RAB11FIP5: variants seen among roughly 807,000 people sequenced by gnomAD.
RAB11FIP5 encodes RAB11 family interacting protein 5, also known as rab11 family-interacting protein 5.
A neutral mutation model predicts 85.1 loss-of-function variants in RAB11FIP5; 48 were observed. The observed-to-expected ratio is 0.56, with a 90% CI of 0.45 to 0.72. The LOEUF (loss-of-function observed/expected upper bound fraction) is 0.72, where lower values mean the gene tolerates loss of function less well. Ranked by LOEUF, RAB11FIP5 falls within the 30% of genes least tolerant of loss-of-function variation. The pLI, the probability that RAB11FIP5 is intolerant of heterozygous loss-of-function variation, is 0.00. For missense variants in RAB11FIP5, 1,491 were observed against 1,687.0 expected (o/e 0.88, Z 2.04); for synonymous variants, 729 against 727.3 (o/e 1.00, Z -0.04).
rs1574294165 is a variant in RAB11FIP5, at chr2:73,081,602, A to G, written c.1630T>C (p.Ser544Pro). ...PAALPHHLPC[S>P]PWAPAPPTPA... is the part of the protein sequence containing the mutation. ...GTGGGAGGGGCCGGAGCCCAGGGGG[A>G]GCAGGGGAGGTGGTGAGGAAGAGCA... Residue 544 changes from serine (S) to proline (P), a missense_variant, in exon 4 of 6, where the codon TCC (serine) becomes CCC (proline). By Grantham distance (74) the Ser-to-Pro change is moderately conservative (BLOSUM62 -1). Around this residue, in one of 3 missense-constraint regions of RAB11FIP5, gnomAD observed 1,211 missense variants for 1,338.0 expected, o/e 0.91. Transcript: ENST00000486777. This position sits in a 1 kb window ranked among gnomAD's most constrained non-coding sequence, Gnocchi z 4.2. The G allele has an allele frequency of 8.2e-7, 1 of 1,216,664 alleles. No individual in the cohort carries two copies. The highest frequency in any genetic ancestry group is 1.0e-6 in the Non-Finnish European group (1 of 973,888). The allele number at this position is 1,216,664 out of a possible 1,614,324, so 75.4% of individuals were successfully genotyped here.
chr2:73,109,788 G>A (rs181192808), intron 1 of RAB11FIP5, among the ~76,000 whole-genome samples: 3 of 152,094 alleles, frequency 2.0e-5, no homozygotes, highest in Non-Finnish European at 2.9e-5. Context: ...TGGTCCTAAG[G>A]CTTTCCTAGG....
At position 73,073,565 on chromosome 2, in the gene RAB11FIP5, T is replaced by G. The variant is rs1683779972; in HGVS notation, c.*1956A>C. 2 of 152,350 alleles carry G rather than the reference T, an allele frequency of 1.3e-5. 1 individual carries two copies. Among genetic ancestry groups the G allele is most frequent in the South Asian group, 4.1e-4 (2 of 4,832 alleles). 9.4% of individuals were successfully genotyped at this position (152,350 alleles called of 1,614,324 possible). On this transcript the variant is annotated 3_prime_UTR_variant, in exon 6 of 6. Transcript: ENST00000486777. ...GAAACATCAACAAGGACCCTGGGCT[T>G]CGATTCAAAAACTCCTCTGAAGCCA...
rs778591961 is a variant in RAB11FIP5 at position 73,080,595 on chromosome 2, G to C, written c.2637C>G (p.Pro879=). ...TVSPKGSEGL[P]PPEPEPKPEW... ...CGGGTTTAGGCTCGGGCTCCGGTGG[G>C]GGAAGCCCCTCGCTCCCCTTGGGGC... is the stretch of plus-strand genomic sequence containing the variant. The change falls in exon 4 of 6, where the codon CCC becomes CCG. Residue 879 remains proline (P), a synonymous_variant. Transcript: ENST00000486777. The C allele has an allele frequency of 2.7e-5, 33 of 1,232,290 alleles. No individual in the cohort carries two copies. The highest frequency in any genetic ancestry group is 3.1e-5 in the Non-Finnish European group (31 of 988,082). The allele number at this position is 1,232,290 out of a possible 1,614,324, so 76.3% of individuals were successfully genotyped here.
Position 73,081,121 on chromosome 2 carries a change from CCTCCT to C in RAB11FIP5, c.2106_2110del (p.Gly703ArgfsTer35). On this transcript the variant is annotated frameshift_variant, in exon 4 of 6. Coordinates refer to ENST00000486777, the MANE Select transcript of RAB11FIP5 (RefSeq NM_001371272.1). LOFTEE classifies it high-confidence loss of function. The surrounding 1 kb of genome is among the most constrained non-coding windows in gnomAD (Gnocchi z 4.2). Reference sequence around the variant, plus strand: ...TCCTCCTCCTCCTCCTCCTCCTCCTCCTCCTCCCCCAGGCTCTCCCTGGGGCTCAG... The same window carrying C: ...TCCTCCTCCTCCTCCTCCTCCTCCTCCCCCCAGGCTCTCCCTGGGGCTCAG... The C allele has an allele frequency of 3.2e-6, 4 of 1,234,362 alleles. No individual in the cohort carries two copies. The highest frequency in any genetic ancestry group is 4.0e-6 in the Non-Finnish European group (4 of 989,674). 76.5% of individuals were successfully genotyped at this position (1,234,362 alleles called of 1,614,324 possible). A position where few individuals can be genotyped will look rare whatever the true frequency, so the allele number is the denominator to read the frequency against.
In RAB11FIP5 at chr2:73,081,992, A is replaced by G. The variant is rs1283279762; in HGVS notation, c.1569-329T>C. 6.6e-6 allele frequency among the ~76,000 whole-genome samples: 1 copy of G among 151,706 alleles called. No homozygotes were observed. The highest frequency in any genetic ancestry group is 2.4e-5 in the African/African-American group (1 of 41,236). ...GCTGAAGCTTCTAAGGTTCTACTCA[A>G]CAAGGAATTTACATCTGGGAAAACT... On this transcript the variant is annotated intron_variant, in intron 3 of 5. Coordinates refer to ENST00000486777, the MANE Select transcript of RAB11FIP5 (RefSeq NM_001371272.1). The surrounding 1 kb of genome is among the most constrained non-coding windows in gnomAD (Gnocchi z 4.2).
At chr2:73,085,051 C>G (rs1684066813) in intron 3 of RAB11FIP5, among the ~76,000 whole-genome samples, 1 of 152,208 alleles carries the variant, frequency 6.6e-6, no homozygotes, top group Non-Finnish European at 1.5e-5. Context: ...ACTGTTAATA[C>G]AGTAACCATG....
chr2:73,098,785 C>T (rs1029507324), intron 1 of RAB11FIP5, among the ~76,000 whole-genome samples: 1 of 152,106 alleles, frequency 6.6e-6, no homozygotes, highest in South Asian at 2.1e-4. Context: ...CTTTATTTCC[C>T]CTAATCTCTA....
intron 1 of RAB11FIP5, among the ~76,000 whole-genome samples, chr2:73,108,669 G>A (rs1360727258): frequency 2.0e-5 from 3 of 152,178 alleles, no homozygotes; most frequent in Non-Finnish European, 2.9e-5. Flanking sequence ...CAGGGAACAA[G>A]GAAAACTAAC....
chr2:73,080,505 T>C lies in RAB11FIP5; in HGVS notation c.2727A>G (p.Thr909=). ...CCTCCTCCTCCTGGGATCTTGAGGG[T>C]GTGAAGAGGCGCGGTGGCTTGGGAG... ...TPPPKPPRLF[T]PSRSQEEEEE... Residue 909 remains threonine (T), a synonymous_variant, in exon 4 of 6, where the codon ACA becomes ACG. Coordinates refer to ENST00000486777, the MANE Select transcript of RAB11FIP5 (RefSeq NM_001371272.1). The C allele has an allele frequency of 8.1e-7, 1 of 1,232,942 alleles. No homozygotes were observed. The highest frequency in any genetic ancestry group is 1.0e-6 in the Non-Finnish European group (1 of 988,400). 76.4% of individuals were successfully genotyped at this position (1,232,942 alleles called of 1,614,324 possible).
chr2:73,109,089 A>G (rs1416407596), intron 1 of RAB11FIP5, among the ~76,000 whole-genome samples: 1 of 152,214 alleles, frequency 6.6e-6, no homozygotes, highest in Non-Finnish European at 1.5e-5. Context: ...ACCAGAAAAT[A>G]AATCGCAGAG....
chr2:73,097,721 G>A (rs1345671440), intron 1 of RAB11FIP5, among the ~76,000 whole-genome samples: 1 of 152,230 alleles, frequency 6.6e-6, no homozygotes, highest in Non-Finnish European at 1.5e-5. Context: ...AGCCAGAGAT[G>A]TCAGGCTTAA....
At chr2:73,090,578 T>C (rs1684189750) in intron 1 of RAB11FIP5, among the ~76,000 whole-genome samples, 2 of 152,130 alleles carry the variant, frequency 1.3e-5, no homozygotes, top group South Asian at 2.1e-4. Context: ...TAAAAATAAA[T>C]AGGCTATCAA....
rs949512498 is a variant in RAB11FIP5 at position 73,081,598 on chromosome 2, G to C, written c.1634C>G (p.Pro545Arg). The C allele has an allele frequency of 1.1e-5, 13 of 1,215,034 alleles. No homozygotes were observed. In the South Asian group the frequency reaches 1.2e-4, roughly 12 times the overall value. The allele number at this position is 1,215,034 out of a possible 1,614,324, so 75.3% of individuals were successfully genotyped here. A position where few individuals can be genotyped will look rare whatever the true frequency, so the allele number is the denominator to read the frequency against. Residue 545 changes from proline (P) to arginine (R), a missense_variant, in exon 4 of 6, where the codon CCC becomes CGC. Pro to Arg is a moderately radical substitution (Grantham distance 103). Transcript: ENST00000486777. This position sits in a 1 kb window ranked among gnomAD's most constrained non-coding sequence, Gnocchi z 4.2. ...AALPHHLPCS[P>R]WAPAPPTPAP... The stretch of plus-strand genomic sequence containing the variant: ...AGGAGTGGGAGGGGCCGGAGCCCAG[G>C]GGGAGCAGGGGAGGTGGTGAGGAAG...
chr2:73,112,201 C>T (rs1684671401), intron 1 of RAB11FIP5, 146 bp downstream of exon 1: 10 of 1,012,286 alleles, frequency 9.9e-6, no homozygotes, highest in Non-Finnish European at 1.3e-5. Context: ...CCCCGAAATG[C>T]GAAGAACCAA....
chr2:73,102,750 T>A (rs1684454385), intron 1 of RAB11FIP5, among the ~76,000 whole-genome samples: 1 of 152,202 alleles, frequency 6.6e-6, no homozygotes, highest in African/African-American at 2.4e-5. Context: ...GCTCAGCTTT[T>A]GTCTCAGAAA....
Position 73,086,869 on chromosome 2 carries a change from C to A in RAB11FIP5, c.1568+1181G>T, listed in dbSNP as rs1021015428. 1.6e-4 allele frequency among the ~76,000 whole-genome samples: 25 copies of A among 152,172 alleles called. No homozygotes were observed. Among genetic ancestry groups the A allele is most frequent in the Non-Finnish European group, 3.2e-4 (22 of 68,028 alleles). On this transcript the variant is annotated intron_variant, in intron 3 of 5. Transcript: ENST00000486777. This position sits in a 1 kb window ranked among gnomAD's most constrained non-coding sequence, Gnocchi z 4.4. ...ATGCCCCTGAAACTGATCCACCCCC[C>A]CATACCCCTATCTATGAGGGTCTAA... is the stretch of plus-strand genomic sequence containing the variant.
At position 73,080,388 on chromosome 2, in the gene RAB11FIP5, C is replaced by T. The variant is rs1326262752; in HGVS notation, c.2844G>A (p.Glu948=). ...CACGCTTCTCTCCCTCCTCCTTGGT[C>T]TCCGGGGGACCGACAACCAGTGCAC... ...SPSALVVGPP[E]TKEEGEKRES... is the part of the protein sequence containing the mutation. Residue 948 remains glutamate (E), a synonymous_variant, in exon 4 of 6, where the codon GAG becomes GAA. Coordinates refer to ENST00000486777, the MANE Select transcript of RAB11FIP5 (RefSeq NM_001371272.1). 34 of 1,233,004 alleles carry T rather than the reference C, an allele frequency of 2.8e-5. No individual in the cohort carries two copies. The highest frequency in any genetic ancestry group is 3.3e-5 in the Non-Finnish European group (33 of 988,426). The allele number at this position is 1,233,004 out of a possible 1,614,324, so 76.4% of individuals were successfully genotyped here. A position where few individuals can be genotyped will look rare whatever the true frequency, so the allele number is the denominator to read the frequency against.
At position 73,078,882 on chromosome 2, in the gene RAB11FIP5, T is replaced by C. The variant is rs1470854324; in HGVS notation, c.3581+769A>G. On this transcript the variant is annotated intron_variant, in intron 4 of 5. Coordinates refer to ENST00000486777, the MANE Select transcript of RAB11FIP5 (RefSeq NM_001371272.1). The surrounding 1 kb of genome is among the most constrained non-coding windows in gnomAD (Gnocchi z 4.4). ...CCCACATCACCCCTGACCAGCCACC[T>C]GGTGAGGTCACAGCTTCATAATTCT... is the stretch of plus-strand genomic sequence containing the variant. Among the ~76,000 whole-genome samples the C allele has an allele frequency of 1.3e-5, 2 of 152,264 alleles. No homozygotes were observed.
At chr2:73,111,405 C>G (rs1423549960) in intron 1 of RAB11FIP5, among the ~76,000 whole-genome samples, 1 of 152,150 alleles carries the variant, frequency 6.6e-6, no homozygotes. Context: ...CCTTACCCTC[C>G]TACCCAGATC....
Sources: gnomAD v4.1 joint callset for allele counts (sites outside exome capture counted in the v4.1 genomes callset) on GRCh38, gnomAD v4.1.1 for gene constraint, gnomAD v4.1.1 regional missense constraint, Gnocchi (gnomAD v3.1) non-coding constraint, MANE v1.5 for transcripts, NCBI Gene and HGNC (gene_info 2026-07-23, HGNC 2026-07-21) for gene names.